The following ZNF208 variants were observed in gnomAD, a reference collection of about 807,000 sequenced individuals.
ZNF208 encodes the protein zinc finger protein 95.
A neutral mutation model predicts 12.1 loss-of-function variants in ZNF208; 10 were observed. That is an observed-to-expected ratio of 0.83 (90% CI 0.51 to 1.40). The LOEUF (loss-of-function observed/expected upper bound fraction) is 1.40, where lower values mean the gene tolerates loss of function less well. Ranked by LOEUF, ZNF208 falls within the 40% of genes most tolerant of loss-of-function variation. The pLI is 0.00. For synonymous variants in ZNF208, 497 were observed against 488.4 expected (o/e 1.02, Z -0.23); for missense variants, 1,652 against 1,485.0 (o/e 1.11, Z -1.85).
At position 21,969,319 on chromosome 19, in the gene ZNF208, A is replaced by G. The variant is rs1458979851; in HGVS notation, c.*1872T>C. Among the ~76,000 whole-genome samples, 1 of 152,166 alleles carries G rather than the reference A, an allele frequency of 6.6e-6. No individual in the cohort carries two copies. The highest frequency in any genetic ancestry group is 1.5e-5 in the Non-Finnish European group (1 of 68,030). On this transcript the variant is annotated 3_prime_UTR_variant, in exon 4 of 4. Transcript: ENST00000397126. ...TGTTTTGAAGAAAAAAGTATACTTT[A>G]AATTTAATTATAACTCTTCAAAGAT... is the stretch of plus-strand genomic sequence containing the variant.
chr19:21,950,899 A>G (rs1202023066), intron 4 of ZNF208, among the ~76,000 whole-genome samples: 2 of 152,202 alleles, frequency 1.3e-5, no homozygotes, highest in African/African-American at 4.8e-5. Flanking sequence ...GTTTGTCTAG[A>G]TGGTTATATA....
rs1213916394 is a variant in ZNF208, at chr19:21,966,980, G to A, written c.*4211C>T. On this transcript the variant is annotated 3_prime_UTR_variant, in exon 4 of 4. Coordinates refer to ENST00000397126, the MANE Select transcript of ZNF208 (RefSeq NM_007153.3). Reference sequence around the variant, plus strand: ...AGATTCTGTACATTAATCCTTCATTGTCTGCAGTTTGCAAATATTTTATTT... The same window carrying A: ...AGATTCTGTACATTAATCCTTCATTATCTGCAGTTTGCAAATATTTTATTT... The A allele has an allele frequency of 6.6e-6, 1 of 151,944 alleles. No individual in the cohort carries two copies. The highest frequency in any genetic ancestry group is 2.4e-5 in the African/African-American group (1 of 41,392). 9.4% of individuals were successfully genotyped at this position (151,944 alleles called of 1,614,324 possible). A position where few individuals can be genotyped will look rare whatever the true frequency, so the allele number is the denominator to read the frequency against.
At chr19:21,999,172 A>C (rs931478420) in intron 1 of ZNF208, among the ~76,000 whole-genome samples, 1 of 152,122 alleles carries the variant, frequency 6.6e-6, no homozygotes, top group African/African-American at 2.4e-5. Flanking sequence ...TGGATATCAG[A>C]TACAAATATG....
chr19:21,968,889 G>C lies in ZNF208; in HGVS notation c.*2302C>G, dbSNP rs1970221451. On this transcript the variant is annotated 3_prime_UTR_variant, in exon 4 of 4. Coordinates refer to ENST00000397126, the MANE Select transcript of ZNF208 (RefSeq NM_007153.3). The stretch of plus-strand genomic sequence containing the variant: ...TTTTATACATTTTTGCTCTGCTAAA[G>C]ACTTCTGTTATTAGGCCAGGCACTG... 6.6e-6 allele frequency among the ~76,000 whole-genome samples: 1 copy of C among 152,036 alleles called. No homozygotes were observed. Among genetic ancestry groups the C allele is most frequent in the African/African-American group, 2.4e-5 (1 of 41,430 alleles).
At chr19:21,983,805 A>C (rs1335426628) in intron 3 of ZNF208, among the ~76,000 whole-genome samples, 12 of 152,126 alleles carry the variant, frequency 7.9e-5, no homozygotes, top group Admixed American at 6.6e-5. Context: ...TAACAATGAG[A>C]ACACAGGGAC....
intron 1 of ZNF208, among the ~76,000 whole-genome samples, chr19:22,004,529 C>G (rs1333741167): frequency 1.3e-5 from 2 of 151,936 alleles, no homozygotes; most frequent in African/African-American, 4.8e-5. Context: ...AACAAACAAA[C>G]AAATATGGTA....
At chr19:21,955,128 A>AC (rs1252837985) in intron 4 of ZNF208, among the ~76,000 whole-genome samples, 2 of 151,296 alleles carry the variant, frequency 1.3e-5, no homozygotes, top group Admixed American at 1.3e-4. Context: ...TTGGTTGAAA[A>AC]CCCTTTTCTT....
intron 1 of ZNF208, among the ~76,000 whole-genome samples, chr19:21,992,155 G>A (rs1289188007): frequency 6.6e-6 from 1 of 152,148 alleles, no homozygotes; most frequent in Non-Finnish European, 1.5e-5. Context: ...GCTGCATAAA[G>A]ATACTTGATG....
intron 4 of ZNF208, among the ~76,000 whole-genome samples, chr19:21,943,701 A>AT (rs2145509807): frequency 6.6e-6 from 1 of 152,296 alleles, no homozygotes; most frequent in African/African-American, 2.4e-5. Flanking sequence ...TAGGATGGTC[A>AT]TTTCTAAGGC....
downstream of ZNF208, among the ~76,000 whole-genome samples, chr19:21,963,867 T>C (rs567722838): frequency 1.9e-4 from 29 of 152,050 alleles, no homozygotes; most frequent in African/African-American, 6.3e-4. Flanking sequence ...TATGAAAAGA[T>C]AGGGAGCTGA....
At chr19:21,952,681 C>G (rs1231040769) in intron 4 of ZNF208, among the ~76,000 whole-genome samples, 1 of 152,134 alleles carries the variant, frequency 6.6e-6, no homozygotes, top group Non-Finnish European at 1.5e-5. Context: ...ACATTAAAGA[C>G]CAAAGGTAGA....
chr19:22,004,456 T>G (rs1238590872), intron 1 of ZNF208, among the ~76,000 whole-genome samples: 8 of 152,024 alleles, frequency 5.3e-5, no homozygotes. Flanking sequence ...GAGGTTGCAA[T>G]GCGCCGAGAT....
chr19:21,976,028 C>A (rs1970425532), intron 3 of ZNF208, among the ~76,000 whole-genome samples: 1 of 151,868 alleles, frequency 6.6e-6, no homozygotes, highest in African/African-American at 2.4e-5. Context: ...GAAAACAACA[C>A]CTAATCATAT....
In ZNF208 at chr19:21,947,072, G is replaced by T. The variant is rs150250635; in HGVS notation, c.306-13835C>A. ...TATGGATATAATCATGCTGAGTAAA[G>T]TCAGTCAGTGTCTTAGTCATCAGAT... On this transcript the variant is annotated intron_variant, in intron 4 of 4. Coordinates refer to the ZNF208 transcript ENST00000599916. Among the ~76,000 whole-genome samples, 767 of 151,880 alleles carry T rather than the reference G, an allele frequency of 5.1e-3. 3 individuals are homozygous for T. Among genetic ancestry groups the T allele is most frequent in the African/African-American group, 0.017 (710 of 41,366 alleles).
chr19:21,944,551 ATTAT>A (rs1211663941), intron 4 of ZNF208, among the ~76,000 whole-genome samples: 1 of 152,168 alleles, frequency 6.6e-6, no homozygotes. Context: ...TATATACTAT[ATTAT>A]TTAGACAAGA....
intron 1 of ZNF208, among the ~76,000 whole-genome samples, chr19:22,009,226 T>C (rs1971100300): frequency 6.6e-6 from 1 of 152,132 alleles, no homozygotes; most frequent in Non-Finnish European, 1.5e-5. Flanking sequence ...ATCATGTGAA[T>C]AAGGGAGGGG....
At position 21,969,507 on chromosome 19, in the gene ZNF208, T is replaced by A. The variant is rs540190435; in HGVS notation, c.*1684A>T. Among the ~76,000 whole-genome samples the A allele has an allele frequency of 2.4e-4, 37 of 152,354 alleles. No homozygotes were observed. In the South Asian group the frequency reaches 7.7e-3, roughly 32 times the overall value. On this transcript the variant is annotated 3_prime_UTR_variant, in exon 4 of 4. Coordinates refer to ENST00000397126, the MANE Select transcript of ZNF208 (RefSeq NM_007153.3). ...ATATTTACATAAACTTAATTTTGGA[T>A]TAAATATTTTTTATATTTACTGTAT...
intron 3 of ZNF208, among the ~76,000 whole-genome samples, chr19:21,978,770 T>C (rs1970480815): frequency 6.6e-6 from 1 of 152,142 alleles, no homozygotes; most frequent in Admixed American, 6.5e-5. Context: ...AGGTGGGTTA[T>C]AACAAACTCC....
At chr19:21,958,039 T>C (rs1970004042) in intron 4 of ZNF208, among the ~76,000 whole-genome samples, 2 of 151,898 alleles carry the variant, frequency 1.3e-5, no homozygotes, top group African/African-American at 2.4e-5. Flanking sequence ...CCTGTGTCCA[T>C]GTGTTCTTAT....
Sources: gnomAD v4.1 joint callset for allele counts (sites outside exome capture counted in the v4.1 genomes callset) on GRCh38, gnomAD v4.1.1 for gene constraint, MANE v1.5 for transcripts, NCBI Gene and HGNC (gene_info 2026-07-23, HGNC 2026-07-21) for gene names.